Variants in TMEM131L observed in about 807,000 individuals in gnomAD.
The protein encoded by TMEM131L is transmembrane protein 131-like.
A neutral mutation model predicts 192.2 loss-of-function variants in TMEM131L; 54 were observed. That is an observed-to-expected ratio of 0.28 (90% CI 0.23 to 0.35). TMEM131L has a LOEUF of 0.35. Ranked by LOEUF, TMEM131L falls within the 10% of genes least tolerant of loss-of-function variation. The pLI is 1.00. For missense variants in TMEM131L, 1,888 were observed against 1,972.9 expected (o/e 0.96, Z 0.82); for synonymous variants, 701 against 704.9 (o/e 0.99, Z 0.09).
intron 31 of TMEM131L, 57 bp from the exon 32 acceptor site, chr4:153,632,661 G>T: frequency 6.2e-7 from 1 of 1,607,062 alleles, no homozygotes; most frequent in Non-Finnish European, 8.5e-7. Flanking sequence ...GTGCAGGAAG[G>T]GTAGGATGAG....
chr4:153,509,356 A>G (rs1035548425), intron 3 of TMEM131L, among the ~76,000 whole-genome samples: 5 of 147,256 alleles, frequency 3.4e-5, no homozygotes, highest in African/African-American at 1.3e-4. Flanking sequence ...CAAGAGCTAG[A>G]CCCTGTCTCA....
At chr4:153,600,651 T>C (rs899251595) in intron 21 of TMEM131L, among the ~76,000 whole-genome samples, 2 of 152,252 alleles carry the variant, frequency 1.3e-5, no homozygotes, top group Non-Finnish European at 2.9e-5. Flanking sequence ...CTATTACTAT[T>C]TTTAATTTTA....
intron 18 of TMEM131L, 55 bp downstream of exon 18, chr4:153,592,639 A>G (rs969796727): frequency 1.8e-6 from 2 of 1,140,880 alleles, no homozygotes; most frequent in Non-Finnish European, 2.7e-6. Context: ...GAAGACTTAG[A>G]ATTACTTAAT....
In TMEM131L at chr4:153,466,440, A is replaced by T. The variant is rs2149685394; in HGVS notation, c.43A>T (p.Thr15Ser). 1 of 1,411,528 alleles carries T rather than the reference A, an allele frequency of 7.1e-7. No individual in the cohort carries two copies. The highest frequency in any genetic ancestry group is 3.0e-5 in the East Asian group (1 of 33,212). The allele number at this position is 1,411,528 out of a possible 1,614,324, so 87.4% of individuals were successfully genotyped here. Reference protein sequence around the residue: ...RRPQPGCYCRTAAAVNLLLGV... With the variant: ...RRPQPGCYCRSAAAVNLLLGV... ...CCCGCAGCCCGGCTGCTACTGCCGC[A>T]CCGCGGCGGCCGTGAACCTCCTGCT... is the stretch of plus-strand genomic sequence containing the variant. The change falls in exon 1 of 35, where the codon ACC (threonine) becomes TCC (serine). Residue 15 changes from threonine (T) to serine (S), a missense_variant. Physicochemically the swap from Thr to Ser is moderately conservative, Grantham distance 58. Transcript: ENST00000409959.
chr4:153,569,170 G>A (rs983499928), intron 7 of TMEM131L, among the ~76,000 whole-genome samples: 1 of 152,088 alleles, frequency 6.6e-6, no homozygotes, highest in Non-Finnish European at 1.5e-5. Context: ...GGAAAGAGAA[G>A]CCTCTCATTG....
intron 7 of TMEM131L, among the ~76,000 whole-genome samples, chr4:153,560,002 C>T (rs1728744703): frequency 6.6e-6 from 1 of 152,086 alleles, no homozygotes; most frequent in Admixed American, 6.6e-5. Flanking sequence ...CTGCAATGTT[C>T]TCAACCTCCA....
chr4:153,527,519 C>T (rs993338023), intron 3 of TMEM131L, among the ~76,000 whole-genome samples: 4 of 150,930 alleles, frequency 2.7e-5, no homozygotes, highest in African/African-American at 9.9e-5. Context: ...TCAAGTGATC[C>T]GCTTGCCTTG....
intron 21 of TMEM131L, among the ~76,000 whole-genome samples, chr4:153,600,529 G>A: frequency 6.6e-6 from 1 of 152,290 alleles, no homozygotes; most frequent in African/African-American, 2.4e-5. Flanking sequence ...TTAAAATTAT[G>A]CATGTATTTA....
chr4:153,514,056 A>G (rs1297291320), intron 3 of TMEM131L, among the ~76,000 whole-genome samples: 3 of 151,992 alleles, frequency 2.0e-5, no homozygotes, highest in African/African-American at 4.8e-5. Context: ...CTTTCTTTTG[A>G]GGTACCAGTT....
At chr4:153,472,369 T>C (rs1731220585) in intron 2 of TMEM131L, among the ~76,000 whole-genome samples, 1 of 152,210 alleles carries the variant, frequency 6.6e-6, no homozygotes, top group Admixed American at 6.5e-5. Context: ...GGGGAAAGCA[T>C]GTCATGTTCT....
At chr4:153,608,946 G>A (rs150150911) in intron 25 of TMEM131L, among the ~76,000 whole-genome samples, 21 of 152,200 alleles carry the variant, frequency 1.4e-4, no homozygotes, top group African/African-American at 4.8e-4. Context: ...CATTACCACC[G>A]TGAAGGGCAT....
chr4:153,516,043 C>T (rs964992480), intron 3 of TMEM131L, among the ~76,000 whole-genome samples: 1 of 151,336 alleles, frequency 6.6e-6, no homozygotes, highest in African/African-American at 2.4e-5. Context: ...AATCCTTTGC[C>T]CATTTTTACG....
At chr4:153,467,186 G>C in intron 1 of TMEM131L, 25 bp from the exon 2 acceptor site, 1 of 1,550,478 alleles carries the variant, frequency 6.4e-7, no homozygotes, top group Non-Finnish European at 8.7e-7. Context: ...TTAAAAACGT[G>C]GTGTATTTTT....
intron 25 of TMEM131L, among the ~76,000 whole-genome samples, chr4:153,605,377 A>C (rs1486303859): frequency 6.6e-6 from 1 of 152,022 alleles, no homozygotes; most frequent in Non-Finnish European, 1.5e-5. Context: ...GATTTGTTTT[A>C]TTTTGTTTGA....
chr4:153,555,954 C>A lies in TMEM131L; in HGVS notation c.432+44C>A. On this transcript the variant is annotated intron_variant, in intron 5 of 34. Transcript: ENST00000409959. This position sits in a 1 kb window ranked among gnomAD's most constrained non-coding sequence, Gnocchi z 4.1. ...CTGGAAACTATGCCGTGGCAGGCAG[C>A]CAGGTTTTCTTGCTTTCTTTGGCCT... 1.9e-6 allele frequency: 3 copies of A among 1,539,624 alleles called. No individual in the cohort carries two copies. The highest frequency in any genetic ancestry group is 2.6e-6 in the Non-Finnish European group (3 of 1,140,408).
At chr4:153,562,469 A>G (rs2075412399) in intron 7 of TMEM131L, among the ~76,000 whole-genome samples, 1 of 152,236 alleles carries the variant, frequency 6.6e-6, no homozygotes, top group South Asian at 2.1e-4. Flanking sequence ...TGCATACATT[A>G]TGTGAGTTAT....
chr4:153,516,964 T>A (rs548484976), intron 3 of TMEM131L, among the ~76,000 whole-genome samples: 2 of 152,158 alleles, frequency 1.3e-5, no homozygotes, highest in East Asian at 3.9e-4. Flanking sequence ...GTAGCTGGGA[T>A]TACAGGTGCG....
At chr4:153,597,273 A>ATT (rs11308275) in intron 20 of TMEM131L, among the ~76,000 whole-genome samples, 1 of 148,150 alleles carries the variant, frequency 6.7e-6, no homozygotes, top group African/African-American at 2.5e-5. Flanking sequence ...TTTTTAATTA[A>ATT]TTTTTTTTTT....
At chr4:153,469,808 C>T (rs982069582) in intron 2 of TMEM131L, among the ~76,000 whole-genome samples, 2 of 152,072 alleles carry the variant, frequency 1.3e-5, no homozygotes, top group Non-Finnish European at 2.9e-5. Context: ...GGCCTGTAAT[C>T]CCAGCTGCTC....
Sources: allele counts gnomAD v4.1 joint callset (sites outside exome capture counted in the v4.1 genomes callset), GRCh38; gene constraint gnomAD v4.1.1; non-coding constraint Gnocchi (gnomAD v3.1); transcripts MANE v1.5; gene names NCBI Gene and HGNC (gene_info 2026-07-23, HGNC 2026-07-21).